TAS2R1: variants seen among roughly 807,000 people sequenced by gnomAD.
TAS2R1 encodes taste 2 receptor member 1.
For synonymous variants in TAS2R1, 141 were observed against 134.2 expected (o/e 1.05, Z -0.35); for missense variants, 370 against 353.4 (o/e 1.05, Z -0.38).
At chr5:9,863,871 A>T in the TAS2R1 span, among the ~76,000 whole-genome samples, 41 of 152,362 alleles carry the variant, frequency 2.7e-4, 1 homozygote, top group African/African-American at 9.1e-4. Context: ...CTCAGAGGAC[A>T]GTGCTCCTTG....
rs936593703 is a variant in TAS2R1, at chr5:9,643,133, A to T, written c.-80-13141T>A. Among the ~76,000 whole-genome samples the T allele has an allele frequency of 1.1e-4, 17 of 152,252 alleles. 1 individual carries two copies. The East Asian group carries it at 2.9e-3, about 26-fold the overall frequency. The stretch of plus-strand genomic sequence containing the variant: ...ACTGTTCTAAGCACACAGCATTTAC[A>T]GCCATGCACTGCTTAATCACAGGGA... On this transcript the variant is annotated intron_variant, in intron 2 of 2. Transcript: ENST00000506620.
the TAS2R1 span, among the ~76,000 whole-genome samples, chr5:9,894,158 T>C: frequency 1.3e-5 from 2 of 152,072 alleles, no homozygotes; most frequent in Non-Finnish European, 2.9e-5. Context: ...ATCCCTGTAC[T>C]TTGGGAAGCC....
the TAS2R1 span, among the ~76,000 whole-genome samples, chr5:9,850,217 C>T: frequency 6.6e-6 from 1 of 152,176 alleles, no homozygotes; most frequent in African/African-American, 2.4e-5. Flanking sequence ...GTGTCTGTGT[C>T]TCTAGGCCTA....
chr5:9,710,902 T>TAC (rs1401773764), intron 1 of TAS2R1, among the ~76,000 whole-genome samples: 1 of 146,852 alleles, frequency 6.8e-6, no homozygotes, highest in Non-Finnish European at 1.5e-5. Flanking sequence ...CACACATATA[T>TAC]ATATAACCAG....
intron 2 of TAS2R1, among the ~76,000 whole-genome samples, chr5:9,642,853 G>T (rs532686997): frequency 3.3e-5 from 5 of 152,124 alleles, no homozygotes; most frequent in Non-Finnish European, 7.4e-5. Context: ...GTTGAATCAT[G>T]GGAATAGTCT....
At chr5:9,693,551 G>A (rs1171014962) in intron 1 of TAS2R1, among the ~76,000 whole-genome samples, 19 of 132,812 alleles carry the variant, frequency 1.4e-4, no homozygotes, top group African/African-American at 1.8e-4. Flanking sequence ...AAAAAAAAGA[G>A]AGAGAAAAAG....
At chr5:9,806,398 T>C in the TAS2R1 span, among the ~76,000 whole-genome samples, 1 of 151,808 alleles carries the variant, frequency 6.6e-6, no homozygotes, top group Non-Finnish European at 1.5e-5. Context: ...GAAAAAACAA[T>C]CCTAAAATTC....
At chr5:9,665,892 C>T (rs922992293) in intron 1 of TAS2R1, among the ~76,000 whole-genome samples, 2 of 152,282 alleles carry the variant, frequency 1.3e-5, no homozygotes, top group South Asian at 2.1e-4. Context: ...TAATTCACAA[C>T]GTTTTAAAAG....
chr5:9,717,922 A>T, the TAS2R1 span, among the ~76,000 whole-genome samples: 18,797 of 152,196 alleles, frequency 0.12, 1,309 homozygotes, highest in African/African-American at 0.16. Context: ...ATTTTAAAAA[A>T]GGTTGTATGG....
the TAS2R1 span, among the ~76,000 whole-genome samples, chr5:9,875,862 C>T: frequency 1.3e-5 from 2 of 152,192 alleles, no homozygotes; most frequent in African/African-American, 4.8e-5. Flanking sequence ...GGAAAAAGTG[C>T]TCATGAACTT....
the TAS2R1 span, among the ~76,000 whole-genome samples, chr5:9,881,582 G>A: frequency 6.6e-6 from 1 of 152,202 alleles, no homozygotes; most frequent in African/African-American, 2.4e-5. Flanking sequence ...AAAGCTGGAA[G>A]TATCATGTGA....
In TAS2R1 at chr5:9,629,160, G is replaced by T; in HGVS notation, c.873C>A (p.Phe291Leu). 6.3e-7 allele frequency: 1 copy of T among 1,578,896 alleles called. No individual in the cohort carries two copies. The highest frequency in any genetic ancestry group is 1.2e-5 in the South Asian group (1 of 85,730). The change falls in exon 1 of 1, where the codon TTC becomes TTA. Residue 291 changes from phenylalanine (F) to leucine (L), a missense_variant. Phe to Leu is a conservative substitution (Grantham distance 22, BLOSUM62 0). Coordinates refer to ENST00000382492, the MANE Select transcript of TAS2R1 (RefSeq NM_019599.3). ...NPKLKQNAKK[F>L]LLHSKCCQ ...ACTGACAGCACTTACTGTGGAGGAG[G>T]AACTTTTTTGCATTTTGTTTCAATT...
chr5:9,682,595 CA>C (rs1561377628), intron 1 of TAS2R1, among the ~76,000 whole-genome samples: 1 of 152,066 alleles, frequency 6.6e-6, no homozygotes, highest in East Asian at 1.9e-4. Context: ...TGAGGAGGAA[CA>C]AAAGGATAAA....
chr5:9,659,747 C>A (rs1385465334), intron 1 of TAS2R1, among the ~76,000 whole-genome samples: 1 of 152,122 alleles, frequency 6.6e-6, no homozygotes, highest in Non-Finnish European at 1.5e-5. Flanking sequence ...GAACAAGACT[C>A]TCACGATAGC....
At chr5:9,885,214 T>C in the TAS2R1 span, among the ~76,000 whole-genome samples, 3 of 152,244 alleles carry the variant, frequency 2.0e-5, no homozygotes, top group African/African-American at 7.2e-5. Context: ...CTCTGTAATG[T>C]TGAATAAATT....
chr5:9,839,556 G>A, the TAS2R1 span, among the ~76,000 whole-genome samples: 1 of 152,256 alleles, frequency 6.6e-6, no homozygotes, highest in Non-Finnish European at 1.5e-5. Context: ...GGGAAGGTGT[G>A]TTTCTACGCT....
chr5:9,742,121 G>A, the TAS2R1 span, among the ~76,000 whole-genome samples: 1 of 152,082 alleles, frequency 6.6e-6, no homozygotes, highest in East Asian at 1.9e-4. Context: ...CTGACCTCAG[G>A]TGATCTGCCC....
chr5:9,747,267 G>T, the TAS2R1 span, among the ~76,000 whole-genome samples: 1 of 152,096 alleles, frequency 6.6e-6, no homozygotes, highest in African/African-American at 2.4e-5. Flanking sequence ...AGGCCTGAAG[G>T]GTGTTAAAGA....
chr5:9,900,845 G>A, the TAS2R1 span, among the ~76,000 whole-genome samples: 6 of 152,032 alleles, frequency 3.9e-5, no homozygotes, highest in East Asian at 1.2e-3. Context: ...GGATGGTCTC[G>A]ATCTCCTGAC....
Sources: allele counts gnomAD v4.1 joint callset (sites outside exome capture counted in the v4.1 genomes callset), GRCh38; gene constraint gnomAD v4.1.1; transcripts MANE v1.5; gene names NCBI Gene and HGNC (gene_info 2026-07-23, HGNC 2026-07-21).